Variants in SLC44A5 observed in about 807,000 individuals in gnomAD.
The protein encoded by SLC44A5 is solute carrier family 44 member 5.
Under a neutral mutation model 101.8 loss-of-function variants are expected in SLC44A5, and 57 were observed. That is an observed-to-expected ratio of 0.56 (90% CI 0.45 to 0.70). SLC44A5 has a LOEUF of 0.70. SLC44A5 is among the 30% of genes least tolerant of loss of function. The pLI is 0.00. For missense variants in SLC44A5, 737 were observed against 853.1 expected (o/e 0.86, Z 1.70); for synonymous variants, 281 against 290.9 (o/e 0.97, Z 0.35).
In SLC44A5 at chr1:75,447,509, C is replaced by T. The variant is rs75957618; in HGVS notation, c.14-50888G>A. ...GAGATATCATGGAAAACAAGAGATG[C>T]TAAAAATCTGCATTTGATGGCTGTT... is the stretch of plus-strand genomic sequence containing the variant. On this transcript the variant is annotated intron_variant, in intron 2 of 23. Coordinates refer to ENST00000370859, the MANE Select transcript of SLC44A5 (RefSeq NM_001130058.2). 3.7e-4 allele frequency among the ~76,000 whole-genome samples: 56 copies of T among 152,112 alleles called. 1 individual carries two copies. The East Asian group carries it at 9.8e-3, about 27-fold the overall frequency.
Position 75,481,072 on chromosome 1 carries a change from C to T in SLC44A5, c.13+60363G>A, listed in dbSNP as rs1283378680. ...AAAACAGAGATATAGATCAATGGAACAGAACAGAGCCCTCAGAAGTAACGC... is the reference window on the plus strand; with the variant it reads ...AAAACAGAGATATAGATCAATGGAATAGAACAGAGCCCTCAGAAGTAACGC... On this transcript the variant is annotated intron_variant, in intron 2 of 23. Transcript: ENST00000370859. Among the ~76,000 whole-genome samples, 4 of 152,236 alleles carry T rather than the reference C, an allele frequency of 2.6e-5. No individual in the cohort carries two copies. In the East Asian group the frequency reaches 7.8e-4, roughly 30 times the overall value.
intron 3 of SLC44A5, among the ~76,000 whole-genome samples, chr1:75,376,315 C>T: frequency 6.6e-6 from 1 of 152,238 alleles, no homozygotes; most frequent in Non-Finnish European, 1.5e-5. Context: ...CCAGGAAGCT[C>T]CAACTGGGTG....
the SLC44A5 span, among the ~76,000 whole-genome samples, chr1:75,671,804 G>GCTGTATT: frequency 6.6e-6 from 1 of 152,228 alleles, no homozygotes; most frequent in Non-Finnish European, 1.5e-5. Context: ...CTCGAACCAA[G>GCTGTATT]CTGTATTCTG....
At chr1:75,285,066 G>A (rs1652927573) in intron 5 of SLC44A5, among the ~76,000 whole-genome samples, 1 of 151,978 alleles carries the variant, frequency 6.6e-6, no homozygotes, top group Admixed American at 6.6e-5. Context: ...TTGGAATAGT[G>A]TCTATAGGAT....
upstream of SLC44A5, among the ~76,000 whole-genome samples, chr1:75,614,540 T>C (rs1310056022): frequency 3.3e-5 from 5 of 152,080 alleles, no homozygotes; most frequent in Non-Finnish European, 7.4e-5. Flanking sequence ...TAAAGTTGTG[T>C]CCCCCTAGTG....
At chr1:75,334,007 T>A (rs1267441607) in intron 4 of SLC44A5, among the ~76,000 whole-genome samples, 1 of 152,202 alleles carries the variant, frequency 6.6e-6, no homozygotes, top group Non-Finnish European at 1.5e-5. Context: ...GATCTTTGCA[T>A]GGCTGGCTCC....
At chr1:75,721,020 A>C in the SLC44A5 span, among the ~76,000 whole-genome samples, 2 of 152,164 alleles carry the variant, frequency 1.3e-5, no homozygotes, top group Non-Finnish European at 2.9e-5. Flanking sequence ...TGTGCAAAGG[A>C]AGCCTTCAGG....
chr1:75,669,625 T>A, the SLC44A5 span, among the ~76,000 whole-genome samples: 7 of 152,138 alleles, frequency 4.6e-5, no homozygotes, highest in Admixed American at 3.9e-4. Flanking sequence ...TTCCCCTAAC[T>A]CTTGTTGTCA....
intron 4 of SLC44A5, among the ~76,000 whole-genome samples, chr1:75,331,908 C>T (rs908201666): frequency 6.6e-6 from 1 of 152,124 alleles, no homozygotes; most frequent in Non-Finnish European, 1.5e-5. Context: ...AGAGATCTTC[C>T]TTCATCACCA....
At chr1:75,384,991 G>A (rs1331929574) in intron 3 of SLC44A5, among the ~76,000 whole-genome samples, 1 of 151,856 alleles carries the variant, frequency 6.6e-6, no homozygotes, top group Non-Finnish European at 1.5e-5. Flanking sequence ...CAGAAATAAA[G>A]ATGTTCTTTG....
intron 3 of SLC44A5, among the ~76,000 whole-genome samples, chr1:75,376,079 C>CG (rs1335894566): frequency 2.0e-5 from 3 of 152,172 alleles, no homozygotes; most frequent in African/African-American, 7.2e-5. Flanking sequence ...GGGTGACGGA[C>CG]GCACCTGGAA....
intron 23 of SLC44A5, chr1:75,205,179 A>C (rs1171443189): frequency 6.6e-6 from 1 of 152,178 alleles, no homozygotes; most frequent in Non-Finnish European, 1.5e-5. Flanking sequence ...GCTATTAATT[A>C]ATCTGCCACA....
At chr1:75,623,302 T>C in the SLC44A5 span, among the ~76,000 whole-genome samples, 1 of 151,996 alleles carries the variant, frequency 6.6e-6, no homozygotes, top group Admixed American at 6.6e-5. Context: ...TCTAAGAATG[T>C]GATGTTTAAA....
upstream of SLC44A5, among the ~76,000 whole-genome samples, chr1:75,612,125 G>A (rs1675682075): frequency 6.6e-6 from 1 of 152,036 alleles, no homozygotes; most frequent in South Asian, 2.1e-4. Context: ...TAGGTATTCT[G>A]GTGAATAGCA....
Position 75,222,363 on chromosome 1 carries a change from G to GCTTC in SLC44A5, c.1079_1082dup (p.Ser361ArgfsTer10). ...AGTTTCTACATTAAGGGCCTTACTT[G>GCTTC]CTTCCTTCCTTCAGCAGGATAATGG... On this transcript the variant is annotated frameshift_variant, in exon 14 of 24. Coordinates refer to ENST00000370859, the MANE Select transcript of SLC44A5 (RefSeq NM_001130058.2). LOFTEE classifies it high-confidence loss of function. The GCTTC allele has an allele frequency of 6.2e-7, 1 of 1,611,096 alleles. No homozygotes were observed. The highest frequency in any genetic ancestry group is 8.5e-7 in the Non-Finnish European group (1 of 1,177,490).
At chr1:75,449,453 G>T (rs896264114) in intron 2 of SLC44A5, among the ~76,000 whole-genome samples, 2 of 152,134 alleles carry the variant, frequency 1.3e-5, no homozygotes, top group African/African-American at 4.8e-5. Flanking sequence ...CAGTTACCAA[G>T]ATAGTTAGCC....
the SLC44A5 span, among the ~76,000 whole-genome samples, chr1:75,669,203 A>T: frequency 3.3e-5 from 5 of 151,684 alleles, no homozygotes; most frequent in Non-Finnish European, 2.9e-5. Context: ...GATAAAAAAA[A>T]TTCTGCCAAT....
chr1:75,676,573 A>G, the SLC44A5 span, among the ~76,000 whole-genome samples: 1 of 152,202 alleles, frequency 6.6e-6, no homozygotes, highest in Admixed American at 6.5e-5. Context: ...GAGCATTAGG[A>G]AAAATAGCTA....
chr1:75,649,819 C>A, the SLC44A5 span, among the ~76,000 whole-genome samples: 2 of 152,156 alleles, frequency 1.3e-5, no homozygotes, highest in Non-Finnish European at 2.9e-5. Flanking sequence ...TATTCTGGAG[C>A]AGAGGTGTAT....
Sources: allele counts gnomAD v4.1 joint callset (sites outside exome capture counted in the v4.1 genomes callset), GRCh38; gene constraint gnomAD v4.1.1; transcripts MANE v1.5; gene names NCBI Gene and HGNC (gene_info 2026-07-23, HGNC 2026-07-21).